COL4A4: variants seen among roughly 807,000 people sequenced by gnomAD.
The protein encoded by COL4A4 is collagen alpha-4(IV) chain.
COL4A4 carries 105 observed loss-of-function variants against 192.9 expected under a neutral mutation model. That is an observed-to-expected ratio of 0.54 (90% CI 0.46 to 0.64). COL4A4 has a LOEUF of 0.64. COL4A4 is among the 30% of genes least tolerant of loss of function. COL4A4 has a pLI of 0.00. For synonymous variants in COL4A4, 762 were observed against 769.9 expected, an observed-to-expected ratio of 0.99 and a Z score of 0.17; for missense variants, 1,967 against 2,169.3, an observed-to-expected ratio of 0.91 and a Z score of 1.85.
At chr2:226,968,727 G>C in the COL4A4 span, among the ~76,000 whole-genome samples, 8 of 152,220 alleles carry the variant, frequency 5.3e-5, no homozygotes, top group South Asian at 2.1e-4. Context: ...TGGCATTCTA[G>C]AGGGGGTGAC....
chr2:227,138,826 T>A (rs1459878699), intron 4 of COL4A4, among the ~76,000 whole-genome samples: 1 of 152,098 alleles, frequency 6.6e-6, no homozygotes, highest in Non-Finnish European at 1.5e-5. Context: ...GATGAAGCAA[T>A]ACCATGAGAG....
At chr2:226,995,752 C>T in the COL4A4 span, 4 of 553,350 alleles carry the variant, frequency 7.2e-6, no homozygotes, top group African/African-American at 5.7e-5. Context: ...CAGGTCACTT[C>T]CTCCATGAAG....
In COL4A4 at chr2:227,137,816, C is replaced by G. The variant is rs561522776; in HGVS notation, c.192+2345G>C. Among the ~76,000 whole-genome samples the G allele has an allele frequency of 1.1e-4, 17 of 152,244 alleles. No individual in the cohort carries two copies. In the South Asian group the frequency reaches 3.5e-3, roughly 32 times the overall value. On this transcript the variant is annotated intron_variant, in intron 4 of 47. Coordinates refer to ENST00000396625, the MANE Select transcript of COL4A4 (RefSeq NM_000092.5). ...ATCTATTTATCTTGGTCCTGAAGCT[C>G]AAAGTCATAAAATTTAGAGGCACTG...
intron 1 of COL4A4, among the ~76,000 whole-genome samples, chr2:227,149,016 A>T (rs1006754827): frequency 2.4e-4 from 37 of 151,426 alleles, no homozygotes; most frequent in Non-Finnish European, 5.0e-4. Flanking sequence ...TTATTTATTT[A>T]TTTTTTATTT....
In COL4A4 at chr2:227,101,886, A is replaced by G; in HGVS notation, c.954T>C (p.Ser318=). The G allele has an allele frequency of 1.3e-6, 2 of 1,596,812 alleles. No homozygotes were observed. Among genetic ancestry groups the G allele is most frequent in the Non-Finnish European group, 1.7e-6 (2 of 1,168,310 alleles). Residue 318 remains serine, a synonymous_variant, in exon 16 of 48, where the codon TCT becomes TCC. Transcript: ENST00000396625. ...GPRGDPGSYG[S]PGFPGLKGEL... ...TTACCTTTAATCCTGGAAAACCTGGAGATCCATAGGAACCAGGATCCCCCT... is the reference window on the plus strand; with the variant it reads ...TTACCTTTAATCCTGGAAAACCTGGGGATCCATAGGAACCAGGATCCCCCT...
the COL4A4 span, chr2:226,996,613 T>C: frequency 1.3e-5 from 2 of 152,366 alleles, no homozygotes; most frequent in African/African-American, 2.4e-5. Flanking sequence ...CTACAACTTA[T>C]ATAGTTTTCT....
intron 31 of COL4A4, among the ~76,000 whole-genome samples, chr2:227,052,993 C>A (rs1435645606): frequency 6.6e-6 from 1 of 152,114 alleles, no homozygotes; most frequent in Non-Finnish European, 1.5e-5. Flanking sequence ...AAGAACCCTG[C>A]AAGCCAGTTG....
At chr2:226,978,369 A>G in the COL4A4 span, among the ~76,000 whole-genome samples, 2 of 152,276 alleles carry the variant, frequency 1.3e-5, no homozygotes, top group East Asian at 3.9e-4. Context: ...GAAAGGTTGG[A>G]TGGTAAAGGG....
At chr2:227,025,478 T>TA (rs1966813510) in intron 43 of COL4A4, among the ~76,000 whole-genome samples, 1 of 152,260 alleles carries the variant, frequency 6.6e-6, no homozygotes, top group East Asian at 1.9e-4. Context: ...TTGTAGAATT[T>TA]AAAAAAGGAA....
chr2:227,121,044 A>G lies in COL4A4; in HGVS notation c.297T>C (p.Pro99=). 6.2e-7 allele frequency: 1 copy of G among 1,614,152 alleles called. No individual in the cohort carries two copies. The highest frequency in any genetic ancestry group is 8.5e-7 in the Non-Finnish European group (1 of 1,180,024). Residue 99 remains proline, a synonymous_variant, in exon 5 of 48, where the codon CCT becomes CCC. Transcript: ENST00000396625. ...CTCCTTTGTCCCCTGCTGCTCCAGG[A>G]GGGCCGCGGTCCCCTCTCATTCCTT... The part of the protein sequence containing the change: ...GEKGMRGDRG[P]PGAAGDKGDK...
At chr2:227,045,809 TATATATA>T in intron 35 of COL4A4, among the ~76,000 whole-genome samples, 1 of 62,866 alleles carries the variant, frequency 1.6e-5, no homozygotes, top group Admixed American at 1.8e-4. Flanking sequence ...CACATATATA[TATATATA>T]CACATATATA....
Position 227,047,497 on chromosome 2 carries a change from C to G in COL4A4, c.3267G>C (p.Glu1089Asp), listed in dbSNP as rs1973131170. The part of the protein sequence containing the change: ...SHFGPPGPKG[E>D]PGSPGCPGHF... ...TACCTGGACATCCAGGGCTACCTGGCTCACCCTTTGGACCAGGTGGACCAA... is the reference window on the plus strand; with the variant it reads ...TACCTGGACATCCAGGGCTACCTGGGTCACCCTTTGGACCAGGTGGACCAA... The change falls in exon 35 of 48, where the codon GAG becomes GAC. Residue 1089 changes from glutamate (E) to aspartate (D), a missense_variant. By Grantham distance (45) the Glu-to-Asp change is conservative (BLOSUM62 2). Transcript: ENST00000396625. 6.2e-7 allele frequency: 1 copy of G among 1,613,654 alleles called. No homozygotes were observed. Among genetic ancestry groups the G allele is most frequent in the Non-Finnish European group, 8.5e-7 (1 of 1,179,794 alleles).
At chr2:226,979,061 G>A in the COL4A4 span, among the ~76,000 whole-genome samples, 149 of 152,254 alleles carry the variant, frequency 9.8e-4, 1 homozygote, top group African/African-American at 3.5e-3. Flanking sequence ...GGCCATCTGC[G>A]GGCTGGGGAA....
At chr2:227,149,530 G>A (rs1479081987) in intron 1 of COL4A4, among the ~76,000 whole-genome samples, 1 of 152,040 alleles carries the variant, frequency 6.6e-6, no homozygotes, top group African/African-American at 2.4e-5. Context: ...ACAAAATAAG[G>A]CAGGTTGGAC....
chr2:227,065,539 G>C lies in COL4A4; in HGVS notation c.1988-2941C>G, dbSNP rs571255601. Reference sequence around the variant, plus strand: ...GCACACAGCTGGAGATCTGAGAACAGGCAGACTGCCTCCTCAAGTGGGTCC... The same window carrying C: ...GCACACAGCTGGAGATCTGAGAACACGCAGACTGCCTCCTCAAGTGGGTCC... On this transcript the variant is annotated intron_variant, in intron 25 of 47. Coordinates refer to ENST00000396625, the MANE Select transcript of COL4A4 (RefSeq NM_000092.5). Among the ~76,000 whole-genome samples, 734 of 152,336 alleles carry C rather than the reference G, an allele frequency of 4.8e-3. 5 individuals are homozygous for C. Among genetic ancestry groups the C allele is most frequent in the African/African-American group, 0.017 (706 of 41,570 alleles).
chr2:226,984,359 C>T, the COL4A4 span, among the ~76,000 whole-genome samples: 2 of 152,208 alleles, frequency 1.3e-5, no homozygotes, highest in African/African-American at 2.4e-5. Context: ...GTCCCTCTTC[C>T]TGGATTATAG....
chr2:227,005,600 TTAAAA>T lies in COL4A4; in HGVS notation c.*1720_*1724del, dbSNP rs1277700185. 1 of 152,242 alleles carries T rather than the reference TTAAAA, an allele frequency of 6.6e-6. No individual in the cohort carries two copies. Among genetic ancestry groups the T allele is most frequent in the Non-Finnish European group, 1.5e-5 (1 of 68,044 alleles). The allele number at this position is 152,242 out of a possible 1,614,324, so 9.4% of individuals were successfully genotyped here. On this transcript the variant is annotated 3_prime_UTR_variant, in exon 48 of 48. Transcript: ENST00000396625. ...TTTTTCTTTTTACCAGAAAATACTC[TTAAAA>T]TAAATTGCCACCCTGGGGGCAGCCC...
chr2:227,069,388 C>T (rs2058565954), intron 25 of COL4A4, among the ~76,000 whole-genome samples: 1 of 152,042 alleles, frequency 6.6e-6, no homozygotes, highest in Non-Finnish European at 1.5e-5. Flanking sequence ...CATATGGAAC[C>T]AAAAAAGAGC....
At chr2:227,021,437 A>G (rs1176932717) in intron 44 of COL4A4, among the ~76,000 whole-genome samples, 1 of 152,208 alleles carries the variant, frequency 6.6e-6, no homozygotes, top group African/African-American at 2.4e-5. Flanking sequence ...ATGACTGTTC[A>G]TGGAGCATCT....
Sources: gnomAD v4.1 joint callset for allele counts (sites outside exome capture counted in the v4.1 genomes callset) on GRCh38, gnomAD v4.1.1 for gene constraint, MANE v1.5 for transcripts, NCBI Gene and HGNC (gene_info 2026-07-23, HGNC 2026-07-21) for gene names.